Variants in SERPINB10 observed in about 807,000 individuals in gnomAD.
The protein encoded by SERPINB10 is serpin B10.
In SERPINB10, 35 loss-of-function variants were observed where a neutral mutation model predicts 39.1. That is an observed-to-expected ratio of 0.90 (90% CI 0.68 to 1.19). SERPINB10 has a LOEUF of 1.19. Among genes scored for constraint, SERPINB10 ranks in the 50% most tolerant of loss-of-function variants. The pLI, the probability that SERPINB10 is intolerant of heterozygous loss-of-function variation, is 0.00. For synonymous variants in SERPINB10, 190 were observed against 158.1 expected (o/e 1.20, Z -1.52); for missense variants, 546 against 460.5 (o/e 1.19, Z -1.70).
rs371633622 is a variant in SERPINB10 at position 63,924,857 on chromosome 18, A to G, written c.490+4952A>G. ...CTTGGCTTGTAGCACTGTTTCAGAT[A>G]CATTCTTTTAAACAAACATATGGTC... is the stretch of plus-strand genomic sequence containing the variant. On this transcript the variant is annotated intron_variant, in intron 5 of 7. Coordinates refer to ENST00000238508, the MANE Select transcript of SERPINB10 (RefSeq NM_005024.3). Among the ~76,000 whole-genome samples the G allele has an allele frequency of 7.2e-5, 11 of 152,128 alleles. 1 individual carries two copies. The highest frequency in any genetic ancestry group is 2.2e-4 in the African/African-American group (9 of 41,550).
Position 63,933,329 on chromosome 18 carries a change from G to T in SERPINB10, c.789+126G>T. 3.8e-6 allele frequency: 4 copies of T among 1,050,598 alleles called. No individual in the cohort carries two copies. In the South Asian group the frequency reaches 5.5e-5, roughly 14 times the overall value. 65.1% of individuals were successfully genotyped at this position (1,050,598 alleles called of 1,614,324 possible). A position where few individuals can be genotyped will look rare whatever the true frequency, so the allele number is the denominator to read the frequency against. On this transcript the variant is annotated intron_variant, in intron 7 of 7. Coordinates refer to ENST00000238508, the MANE Select transcript of SERPINB10 (RefSeq NM_005024.3). ...TTCTCCCTATTATTTAATTCCTATA[G>T]AGAAAGGTCACCAATGTACCTTGAG...
At chr18:63,923,547 A>G (rs1475073493) in intron 5 of SERPINB10, among the ~76,000 whole-genome samples, 3 of 151,962 alleles carry the variant, frequency 2.0e-5, no homozygotes, top group Non-Finnish European at 2.9e-5. Context: ...AGAAGATTTT[A>G]GAATACTTTT....
chr18:63,932,579 G>GT, intron 6 of SERPINB10, among the ~76,000 whole-genome samples: 1 of 151,968 alleles, frequency 6.6e-6, no homozygotes, highest in Middle Eastern at 3.4e-3. Context: ...TTATTGTTGA[G>GT]TTTTTTATTA....
At chr18:63,927,173 A>G (rs1362231579) in intron 5 of SERPINB10, among the ~76,000 whole-genome samples, 6 of 151,964 alleles carry the variant, frequency 3.9e-5, no homozygotes, top group Non-Finnish European at 8.8e-5. Flanking sequence ...AATACCACTA[A>G]TGTTTCTGGG....
At chr18:63,918,563 A>C (rs1019990065) in intron 4 of SERPINB10, among the ~76,000 whole-genome samples, 1 of 152,030 alleles carries the variant, frequency 6.6e-6, no homozygotes, top group African/African-American at 2.4e-5. Context: ...TCACATGACA[A>C]CCCAGGTCAA....
intron 6 of SERPINB10, 86 bp from the exon 7 acceptor site, chr18:63,932,962 C>A: frequency 8.0e-7 from 1 of 1,250,370 alleles, no homozygotes; most frequent in Non-Finnish European, 1.1e-6. Flanking sequence ...CAACTGAGAG[C>A]CAATGATGGT....
chr18:63,915,324 T>C (rs1409126255), intron 1 of SERPINB10, among the ~76,000 whole-genome samples, 178 bp from the exon 2 acceptor site: 1 of 152,134 alleles, frequency 6.6e-6, no homozygotes, highest in African/African-American at 2.4e-5. Flanking sequence ...GTAAATTCTC[T>C]AAACTTCAGT....
chr18:63,915,769 A>T, intron 2 of SERPINB10, 91 bp downstream of exon 2: 1 of 1,100,096 alleles, frequency 9.1e-7, no homozygotes. Flanking sequence ...CAACTCAATA[A>T]TTTACATTTC....
intron 6 of SERPINB10, among the ~76,000 whole-genome samples, chr18:63,930,712 T>A (rs17072188): frequency 0.028 from 4,249 of 152,248 alleles, 216 homozygotes; most frequent in African/African-American, 0.097. Flanking sequence ...GTTGTCAGGA[T>A]TTTTTCCTCT....
Position 63,935,283 on chromosome 18 carries a change from T to C in SERPINB10, c.*41T>C. The stretch of plus-strand genomic sequence containing the variant: ...CAACAAACAAGACCATCTTACAGTG[T>C]GAAAAATGTACCATGAGATGGAAAA... On this transcript the variant is annotated 3_prime_UTR_variant, in exon 8 of 8. Transcript: ENST00000238508. The C allele has an allele frequency of 6.7e-7, 1 of 1,500,602 alleles. No individual in the cohort carries two copies. Among genetic ancestry groups the C allele is most frequent in the Non-Finnish European group, 8.8e-7 (1 of 1,130,818 alleles). 93.0% of individuals were successfully genotyped at this position (1,500,602 alleles called of 1,614,324 possible). A position where few individuals can be genotyped will look rare whatever the true frequency, so the allele number is the denominator to read the frequency against.
rs79882762 is a variant in SERPINB10, at chr18:63,933,047, G to A, written c.634-1G>A. ...TTTTTTTGTTTTTTTGTTTTTTTTA[G>A]ACTACAAGCAAACCAGTGCAAATGA... On this transcript the variant is annotated splice_acceptor_variant, in intron 6 of 7. Coordinates refer to ENST00000238508, the MANE Select transcript of SERPINB10 (RefSeq NM_005024.3). LOFTEE classifies it high-confidence loss of function. The A allele has an allele frequency of 1.6e-5, 25 of 1,604,638 alleles. No homozygotes were observed. In the Admixed American group the frequency reaches 4.4e-4, roughly 28 times the overall value.
chr18:63,917,883 T>C, intron 3 of SERPINB10, 82 bp from the exon 4 acceptor site: 1 of 1,302,242 alleles, frequency 7.7e-7, no homozygotes, highest in Non-Finnish European at 1.1e-6. Flanking sequence ...ATTCCCCAAA[T>C]AATTTTATTT....
chr18:63,932,295 T>C (rs1052923494), intron 6 of SERPINB10, among the ~76,000 whole-genome samples: 4 of 152,342 alleles, frequency 2.6e-5, no homozygotes, highest in African/African-American at 9.6e-5. Context: ...CTGCATCGTA[T>C]GGTAAGACTA....
Position 63,930,029 on chromosome 18 carries a change from C to A in SERPINB10, c.491-16C>A, listed in dbSNP as rs776323551. The A allele has an allele frequency of 6.2e-7, 1 of 1,612,080 alleles. No homozygotes were observed. The highest frequency in any genetic ancestry group is 2.2e-5 in the East Asian group (1 of 44,842). On this transcript the variant is annotated splice_polypyrimidine_tract_variant and intron_variant, in intron 5 of 7. Transcript: ENST00000238508. ...ATTTCTACAAGTCATTTGCAACCTG[C>A]CTTTTGTTCTTACAGGTAAAATCCA...
intron 1 of SERPINB10, among the ~76,000 whole-genome samples, chr18:63,912,608 T>C (rs2144718519): frequency 6.6e-6 from 1 of 152,152 alleles, no homozygotes; most frequent in East Asian, 1.9e-4. Flanking sequence ...TGAACCAATA[T>C]AGTACTCCAG....
Position 63,935,037 on chromosome 18 carries a change from A to C in SERPINB10, c.989A>C (p.Asn330Thr), listed in dbSNP as rs764390825. ...ADFSGMSSARNLFLSNVFHKA... is the reference protein window; with the variant it reads ...ADFSGMSSARTLFLSNVFHKA... The stretch of plus-strand genomic sequence containing the variant: ...TTCTCAGGAATGTCTTCAGCAAGAA[A>C]CCTATTTTTGTCCAATGTTTTCCAT... The change falls in exon 8 of 8, where the codon AAC (asparagine) becomes ACC (threonine). Residue 330 changes from asparagine to threonine, a missense_variant. Physicochemically the swap from Asn to Thr is moderately conservative, Grantham distance 65. Coordinates refer to ENST00000238508, the MANE Select transcript of SERPINB10 (RefSeq NM_005024.3). 1.2e-6 allele frequency: 2 copies of C among 1,614,166 alleles called. No homozygotes were observed. The highest frequency in any genetic ancestry group is 1.7e-6 in the Non-Finnish European group (2 of 1,180,018).
intron 6 of SERPINB10, among the ~76,000 whole-genome samples, chr18:63,930,641 C>T (rs2050215702): frequency 6.6e-6 from 1 of 152,172 alleles, no homozygotes; most frequent in Non-Finnish European, 1.5e-5. Context: ...AGATTTGACT[C>T]TCGTGAATGG....
At chr18:63,927,663 C>T (rs2050190504) in intron 5 of SERPINB10, among the ~76,000 whole-genome samples, 1 of 152,076 alleles carries the variant, frequency 6.6e-6, no homozygotes, top group African/African-American at 2.4e-5. Context: ...TCACACTGAA[C>T]ATTAGGTTCC....
rs1214412612 is a variant in SERPINB10, at chr18:63,919,836, G to T, written c.421G>T (p.Val141Phe). Residue 141 changes from valine to phenylalanine, a missense_variant, in exon 5 of 8, where the codon GTT becomes TTT. Val to Phe is a conservative substitution (Grantham distance 50). Transcript: ENST00000238508. ...ATATTTTGGTGCAGAACCTCAGCCT[G>T]TTAACTTTGTGGAAGCTTCTGATCA... ...KTYFGAEPQP[V>F]NFVEASDQIR... 2 of 1,609,672 alleles carry T rather than the reference G, an allele frequency of 1.2e-6. No individual in the cohort carries two copies. The highest frequency in any genetic ancestry group is 2.2e-5 in the South Asian group (2 of 90,816).
Sources: gnomAD v4.1 joint callset for allele counts (sites outside exome capture counted in the v4.1 genomes callset) on GRCh38, gnomAD v4.1.1 for gene constraint, MANE v1.5 for transcripts, NCBI Gene and HGNC (gene_info 2026-07-23, HGNC 2026-07-21) for gene names.